Variants in LUC7L2 observed in about 807,000 individuals in gnomAD.
LUC7L2 encodes the protein putative RNA-binding protein Luc7-like 2.
LUC7L2 carries 25 observed loss-of-function variants against 52.8 expected under a neutral mutation model. The ratio of observed to expected loss-of-function variants is 0.47; its 90% CI spans 0.34 to 0.66. The LOEUF is 0.66. Ranked by LOEUF, LUC7L2 falls within the 30% of genes least tolerant of loss-of-function variation. LUC7L2 has a pLI of 0.01. For missense variants in LUC7L2, 328 were observed against 497.8 expected, an observed-to-expected ratio of 0.66 and a Z score of 3.25; for synonymous variants, 144 against 160.9, an observed-to-expected ratio of 0.89 and a Z score of 0.80.
chr7:139,399,116 G>A (rs1002991059), intron 3 of LUC7L2, among the ~76,000 whole-genome samples: 10 of 151,574 alleles, frequency 6.6e-5, no homozygotes, highest in South Asian at 2.1e-4. Flanking sequence ...CATATCTGTC[G>A]TTGAATCTGT....
intron 1 of LUC7L2, among the ~76,000 whole-genome samples, chr7:139,354,637 T>C (rs1427231246): frequency 4.6e-5 from 7 of 152,122 alleles, no homozygotes; most frequent in African/African-American, 1.7e-4. Flanking sequence ...GCTGGGATTA[T>C]AGGCATGAGC....
intron 1 of LUC7L2, among the ~76,000 whole-genome samples, chr7:139,372,171 A>G (rs536535336): frequency 6.6e-6 from 1 of 152,298 alleles, no homozygotes; most frequent in South Asian, 2.1e-4. Flanking sequence ...AGAGATCTCC[A>G]TGTTTTTATA....
chr7:139,392,408 G>A (rs920330386), intron 2 of LUC7L2: 1 of 383,360 alleles, frequency 2.6e-6, no homozygotes, highest in South Asian at 1.9e-5. Context: ...AATTCTTGAC[G>A]ATTTAACTTT....
At chr7:139,348,404 C>T (rs1050422141) in intron 1 of LUC7L2, among the ~76,000 whole-genome samples, 1 of 151,064 alleles carries the variant, frequency 6.6e-6, no homozygotes, top group Non-Finnish European at 1.5e-5. Context: ...GTTTTGAAGT[C>T]ATATAGATTT....
At chr7:139,380,713 C>CA (rs1554391019) in intron 2 of LUC7L2, among the ~76,000 whole-genome samples, 1 of 152,210 alleles carries the variant, frequency 6.6e-6, no homozygotes, top group Non-Finnish European at 1.5e-5. Context: ...CTGCTAAACT[C>CA]ACTGTAGGCA....
chr7:139,385,428 C>A (rs1794151139), intron 2 of LUC7L2, among the ~76,000 whole-genome samples: 1 of 150,582 alleles, frequency 6.6e-6, no homozygotes, highest in Non-Finnish European at 1.5e-5. Flanking sequence ...TTCAAGTGAT[C>A]CTCCTGCCTC....
chr7:139,340,633 G>C (rs988664792), intron 1 of LUC7L2: 7 of 396,780 alleles, frequency 1.8e-5, no homozygotes, highest in Non-Finnish European at 3.1e-5. Flanking sequence ...AGGCGAAAAT[G>C]AAGTGACGAT....
Position 139,407,165 on chromosome 7 carries a change from TTTG to T in LUC7L2, c.511-6_511-4del. ...TTATATGGTCATTGTTTTTCTCACT[TTTG>T]TTTAGGAAGTTTATCGGAATTCTAT... On this transcript the variant is annotated splice_region_variant and splice_polypyrimidine_tract_variant and intron_variant, in intron 5 of 9. Transcript: ENST00000354926. 1 of 1,604,050 alleles carries T rather than the reference TTTG, an allele frequency of 6.2e-7. No individual in the cohort carries two copies. Among genetic ancestry groups the T allele is most frequent in the Non-Finnish European group, 8.5e-7 (1 of 1,174,656 alleles).
At chr7:139,382,891 TG>T (rs1192598845) in intron 2 of LUC7L2, among the ~76,000 whole-genome samples, 2 of 152,132 alleles carry the variant, frequency 1.3e-5, no homozygotes, top group African/African-American at 4.8e-5. Flanking sequence ...AAATCAGTTA[TG>T]TGGGTACATA....
chr7:139,368,509 T>TG (rs1800278520), intron 1 of LUC7L2, among the ~76,000 whole-genome samples: 2 of 152,020 alleles, frequency 1.3e-5, no homozygotes, highest in African/African-American at 4.8e-5. Flanking sequence ...GAGGCCAAGG[T>TG]GGGTGGATCA....
chr7:139,374,315 T>C, intron 1 of LUC7L2: 2 of 954,960 alleles, frequency 2.1e-6, no homozygotes, highest in Middle Eastern at 2.1e-4. Context: ...ACAGTCAACA[T>C]GTACTTCTAG....
chr7:139,343,664 G>T (rs1799112505), intron 1 of LUC7L2, among the ~76,000 whole-genome samples: 1 of 152,164 alleles, frequency 6.6e-6, no homozygotes, highest in Admixed American at 6.5e-5. Context: ...GCCAGGAGCG[G>T]TGGCTCACAC....
chr7:139,363,582 T>C (rs1799987047), intron 1 of LUC7L2, among the ~76,000 whole-genome samples: 1 of 152,238 alleles, frequency 6.6e-6, no homozygotes, highest in Non-Finnish European at 1.5e-5. Context: ...AGAAAGGAGC[T>C]ATAAGTAGAT....
chr7:139,374,612 A>C, intron 1 of LUC7L2: 1 of 1,491,974 alleles, frequency 6.7e-7, no homozygotes, highest in Non-Finnish European at 8.9e-7. Flanking sequence ...AATTGTGTCA[A>C]AAATAACCTA....
intron 2 of LUC7L2, among the ~76,000 whole-genome samples, chr7:139,377,475 C>T (rs1229541269): frequency 6.6e-6 from 1 of 152,148 alleles, no homozygotes. Flanking sequence ...CTTATTGCAG[C>T]CTCTGCCTCC....
Position 139,414,459 on chromosome 7 carries a change from C to G in LUC7L2, c.809+1879C>G, listed in dbSNP as rs187369222. On this transcript the variant is annotated intron_variant, in intron 8 of 9. Transcript: ENST00000354926. ...CAAAGCCATCCTGGGCAGCATGCGG[C>G]TTGGAGGCCGCAGGTTGGACAAGCT... Among the ~76,000 whole-genome samples, 8 of 152,344 alleles carry G rather than the reference C, an allele frequency of 5.3e-5. No individual in the cohort carries two copies. In the East Asian group the frequency reaches 1.5e-3, roughly 29 times the overall value.
At chr7:139,376,206 G>T (rs377503893) in intron 2 of LUC7L2, 50 bp downstream of exon 2, 1 of 1,547,104 alleles carries the variant, frequency 6.5e-7, no homozygotes, top group Non-Finnish European at 8.9e-7. Flanking sequence ...CTGCAGTAAT[G>T]AACTACTTGA....
intron 9 of LUC7L2, among the ~76,000 whole-genome samples, chr7:139,419,210 C>CTACCA (rs1795775081): frequency 6.6e-6 from 1 of 151,740 alleles, no homozygotes; most frequent in Admixed American, 6.6e-5. Flanking sequence ...TGGCATAAGA[C>CTACCA]TACCACATGT....
chr7:139,343,641 G>A (rs1799110329), intron 1 of LUC7L2, among the ~76,000 whole-genome samples: 1 of 152,102 alleles, frequency 6.6e-6, no homozygotes, highest in African/African-American at 2.4e-5. Flanking sequence ...TTCAAATAGA[G>A]AAAGGGGATT....
Sources: gnomAD v4.1 joint callset for allele counts (sites outside exome capture counted in the v4.1 genomes callset) on GRCh38, gnomAD v4.1.1 for gene constraint, MANE v1.5 for transcripts, NCBI Gene and HGNC (gene_info 2026-07-23, HGNC 2026-07-21) for gene names.